The following TBX15 variants were observed in gnomAD, a reference collection of about 807,000 sequenced individuals.
The protein encoded by TBX15 is T-box transcription factor TBX15.
Under a neutral mutation model 53.9 loss-of-function variants are expected in TBX15, and 18 were observed. The observed-to-expected ratio is 0.33, with a 90% CI of 0.23 to 0.49. The LOEUF (loss-of-function observed/expected upper bound fraction) is 0.49. Among genes scored for constraint, TBX15 ranks in the 20% least tolerant of loss-of-function variants. The pLI is 0.98. For missense variants in TBX15, 692 were observed against 749.5 expected (o/e 0.92, Z 0.90); for synonymous variants, 295 against 278.0 (o/e 1.06, Z -0.61).
chr1:118,987,458 G>C lies in TBX15; in HGVS notation c.205+133C>G, dbSNP rs546592359. ...TTAGGGAGGCTCAGGGCATTTGCGCGAAGAAACAGAAACCTATGTTGGGGC... is the reference window on the plus strand; with the variant it reads ...TTAGGGAGGCTCAGGGCATTTGCGCCAAGAAACAGAAACCTATGTTGGGGC... On this transcript the variant is annotated intron_variant, in intron 1 of 7. Transcript: ENST00000369429. The C allele has an allele frequency of 5.5e-5, 64 of 1,157,434 alleles. No homozygotes were observed. The South Asian group carries it at 9.7e-4, about 18-fold the overall frequency. The allele number at this position is 1,157,434 out of a possible 1,614,324, so 71.7% of individuals were successfully genotyped here. A position where few individuals can be genotyped will look rare whatever the true frequency, so the allele number is the denominator to read the frequency against.
At chr1:118,894,819 T>C (rs985707930) in intron 7 of TBX15, among the ~76,000 whole-genome samples, 2 of 152,182 alleles carry the variant, frequency 1.3e-5, no homozygotes, top group Non-Finnish European at 2.9e-5. Context: ...AATTACTGTT[T>C]GTTTTAATGG....
chr1:118,970,023 A>C (rs1657178202), intron 1 of TBX15, among the ~76,000 whole-genome samples: 1 of 152,170 alleles, frequency 6.6e-6, no homozygotes. Flanking sequence ...TTGTTGTTTA[A>C]AAGTGTGTAG....
In TBX15 at chr1:118,988,015, G is replaced by A. The variant is rs968268976; in HGVS notation, c.-220C>T. 4.7e-6 allele frequency: 3 copies of A among 633,342 alleles called. No individual in the cohort carries two copies. Among genetic ancestry groups the A allele is most frequent in the African/African-American group, 3.7e-5 (2 of 53,510 alleles). The allele number at this position is 633,342 out of a possible 1,614,324, so 39.2% of individuals were successfully genotyped here. ...CGCCCCTACGCTGGCCCAGCTGCTA[G>A]GAACTAGCGCCCCGAGCGCCGCCCG... On this transcript the variant is annotated 5_prime_UTR_variant, in exon 1 of 8. Transcript: ENST00000369429.
chr1:118,965,161 A>C (rs1378399669), intron 1 of TBX15, among the ~76,000 whole-genome samples: 1 of 152,220 alleles, frequency 6.6e-6, no homozygotes, highest in African/African-American at 2.4e-5. Flanking sequence ...GGCACTGAAG[A>C]CTTGCACCCC....
intron 3 of TBX15, 105 bp from the exon 4 acceptor site, chr1:118,924,922 T>C: frequency 8.2e-7 from 1 of 1,226,922 alleles, no homozygotes; most frequent in East Asian, 2.3e-5. Context: ...AACAAAGAGA[T>C]TACATGAATG....
intron 1 of TBX15, among the ~76,000 whole-genome samples, chr1:118,948,677 A>G (rs1164962786): frequency 1.3e-5 from 2 of 152,174 alleles, no homozygotes; most frequent in Non-Finnish European, 2.9e-5. Context: ...CTTCACAAAG[A>G]AACACCTAGT....
intron 7 of TBX15, among the ~76,000 whole-genome samples, chr1:118,887,876 C>T (rs1654005153): frequency 1.3e-5 from 2 of 151,882 alleles, no homozygotes; most frequent in African/African-American, 2.4e-5. Context: ...TATAGAAGTA[C>T]AAATTTGGCT....
intron 1 of TBX15, among the ~76,000 whole-genome samples, chr1:118,955,325 A>G (rs1160138152): frequency 6.6e-6 from 1 of 152,212 alleles, no homozygotes; most frequent in Non-Finnish European, 1.5e-5. Flanking sequence ...GAAACTCCAG[A>G]ACCACCCAAG....
At chr1:118,893,581 A>T (rs1308836788) in intron 7 of TBX15, among the ~76,000 whole-genome samples, 1 of 139,648 alleles carries the variant, frequency 7.2e-6, no homozygotes, top group African/African-American at 3.2e-5. Context: ...AAGGAAAGAA[A>T]GAAAGGAAGG....
intron 1 of TBX15, among the ~76,000 whole-genome samples, chr1:118,947,438 G>A (rs1007991025): frequency 2.6e-5 from 4 of 152,170 alleles, no homozygotes; most frequent in Non-Finnish European, 5.9e-5. Flanking sequence ...GTCCTGGTTT[G>A]GAATCAGAAA....
chr1:118,926,615 T>A lies in TBX15; in HGVS notation c.420-4A>T. ...TCTCATGGCAGGAAACATCCTCCTATGAAGATGAATAAAACAGAAAGCTCA... is the reference window on the plus strand; with the variant it reads ...TCTCATGGCAGGAAACATCCTCCTAAGAAGATGAATAAAACAGAAAGCTCA... On this transcript the variant is annotated splice_region_variant and splice_polypyrimidine_tract_variant and intron_variant, in intron 2 of 7. Transcript: ENST00000369429. 1 of 1,611,858 alleles carries A rather than the reference T, an allele frequency of 6.2e-7. No individual in the cohort carries two copies. Among genetic ancestry groups the A allele is most frequent in the Non-Finnish European group, 8.5e-7 (1 of 1,178,380 alleles).
At chr1:118,931,888 T>A in intron 1 of TBX15, 56 bp from the exon 2 acceptor site, 1 of 1,520,706 alleles carries the variant, frequency 6.6e-7, no homozygotes, top group Non-Finnish European at 8.9e-7. Context: ...CCCTCACCCA[T>A]GGCCCTAAAA....
At chr1:118,894,726 C>T (rs1186824759) in intron 7 of TBX15, among the ~76,000 whole-genome samples, 1 of 152,212 alleles carries the variant, frequency 6.6e-6, no homozygotes, top group East Asian at 1.9e-4. Context: ...ATGGAGAGGG[C>T]ACCAGGCTGT....
At chr1:118,957,793 A>G (rs1656743503) in intron 1 of TBX15, among the ~76,000 whole-genome samples, 1 of 152,194 alleles carries the variant, frequency 6.6e-6, no homozygotes, top group Non-Finnish European at 1.5e-5. Flanking sequence ...CCTACAAAGG[A>G]CATGAACTCA....
At chr1:118,908,207 A>C (rs1654900683) in intron 6 of TBX15, among the ~76,000 whole-genome samples, 1 of 152,080 alleles carries the variant, frequency 6.6e-6, no homozygotes, top group African/African-American at 2.4e-5. Context: ...GCCATTCATC[A>C]ACACCTTTTT....
At chr1:118,965,222 C>G (rs915157074) in intron 1 of TBX15, among the ~76,000 whole-genome samples, 1 of 152,174 alleles carries the variant, frequency 6.6e-6, no homozygotes, top group African/African-American at 2.4e-5. Context: ...AATGGAGGAA[C>G]AGGGAAGCCT....
chr1:118,928,814 T>C (rs1655687339), intron 2 of TBX15, among the ~76,000 whole-genome samples: 1 of 152,234 alleles, frequency 6.6e-6, no homozygotes, highest in African/African-American at 2.4e-5. Flanking sequence ...CCCTTTCCAG[T>C]ACCTGACTTC....
chr1:118,893,344 G>A (rs1375536894), intron 7 of TBX15, among the ~76,000 whole-genome samples: 27 of 59,884 alleles, frequency 4.5e-4, no homozygotes, highest in African/African-American at 2.2e-3. Flanking sequence ...AAGGAAGGAA[G>A]GAAGGAAGGA....
At chr1:118,903,382 C>G (rs1654700557) in intron 6 of TBX15, among the ~76,000 whole-genome samples, 1 of 152,158 alleles carries the variant, frequency 6.6e-6, no homozygotes, top group South Asian at 2.1e-4. Flanking sequence ...ATGGCAGTAT[C>G]ATTCCTTCAA....
Sources: gnomAD v4.1 joint callset for allele counts (sites outside exome capture counted in the v4.1 genomes callset) on GRCh38, gnomAD v4.1.1 for gene constraint, MANE v1.5 for transcripts, NCBI Gene and HGNC (gene_info 2026-07-23, HGNC 2026-07-21) for gene names.